Variants in TMEM94 observed in about 807,000 individuals in gnomAD.
TMEM94 encodes the protein transmembrane protein 94, also known as ER Mg2+ ATPase.
In TMEM94, 81 loss-of-function variants were observed where a neutral mutation model predicts 158.6. The observed-to-expected ratio is 0.51, with a 90% CI of 0.43 to 0.61. The LOEUF (loss-of-function observed/expected upper bound fraction) is 0.61, where lower values mean the gene tolerates loss of function less well. TMEM94 is among the 20% of genes least tolerant of loss of function. TMEM94 has a pLI of 0.00. For missense variants in TMEM94, 1,435 were observed against 1,762.0 expected (o/e 0.81, Z 3.32); for synonymous variants, 751 against 730.7 (o/e 1.03, Z -0.45).
At chr17:75,467,523 T>G (rs1443271821) in intron 1 of TMEM94, among the ~76,000 whole-genome samples, 1 of 135,840 alleles carries the variant, frequency 7.4e-6, no homozygotes, top group Non-Finnish European at 1.6e-5. Context: ...TCTTTTTCTT[T>G]TTTTTTTTTT....
chr17:75,475,796 C>G (rs756913460), intron 2 of TMEM94, among the ~76,000 whole-genome samples: 1 of 152,162 alleles, frequency 6.6e-6, no homozygotes, highest in Non-Finnish European at 1.5e-5. Context: ...GCTGCTGGCC[C>G]GGCTCTTCCC....
chr17:75,463,079 T>C (rs11658203), intron 1 of TMEM94, among the ~76,000 whole-genome samples: 13,096 of 14,256 alleles, frequency 0.92, 6,104 homozygotes, highest in Middle Eastern at 0.95. Context: ...TATATATATA[T>C]ACACACACAC....
At chr17:75,476,955 G>A (rs2050725045) in intron 2 of TMEM94, among the ~76,000 whole-genome samples, 1 of 152,206 alleles carries the variant, frequency 6.6e-6, no homozygotes, top group African/African-American at 2.4e-5. Flanking sequence ...CCAGCCAGGT[G>A]CCCGAGTCAC....
Position 75,467,520 on chromosome 17 carries a change from CTTTTTTT to C in TMEM94, c.-106-4263_-106-4257del, listed in dbSNP as rs947595391. Among the ~76,000 whole-genome samples, 25 of 99,134 alleles carry C rather than the reference CTTTTTTT, an allele frequency of 2.5e-4. No homozygotes were observed. In the South Asian group the frequency reaches 3.1e-3, roughly 12 times the overall value. 65.0% of individuals were successfully genotyped at this position (99,134 alleles called of 152,430 possible). A position where few individuals can be genotyped will look rare whatever the true frequency, so the allele number is the denominator to read the frequency against. On this transcript the variant is annotated intron_variant, in intron 1 of 31. Coordinates refer to ENST00000314256, the MANE Select transcript of TMEM94 (RefSeq NM_014738.6). ...ATCATTATGCCATCCATTTCTTTTTCTTTTTTTTTTTTTTTTTTTTTTTGAGACGGAG... is the reference window on the plus strand; with the variant it reads ...ATCATTATGCCATCCATTTCTTTTTCTTTTTTTTTTTTTTTTGAGACGGAG...
chr17:75,500,420 G>A lies in TMEM94; in HGVS notation c.*1086G>A, dbSNP rs1909774579. Reference sequence around the variant, plus strand: ...CCCCTCCCCCATTGTGTCCTCTCAGGCAGTTGATAGAATAAATTCCATTTA... The same window carrying A: ...CCCCTCCCCCATTGTGTCCTCTCAGACAGTTGATAGAATAAATTCCATTTA... On this transcript the variant is annotated 3_prime_UTR_variant, in exon 32 of 32. Coordinates refer to ENST00000314256, the MANE Select transcript of TMEM94 (RefSeq NM_014738.6). The A allele has an allele frequency of 6.5e-6, 1 of 152,700 alleles. No homozygotes were observed. The highest frequency in any genetic ancestry group is 1.5e-5 in the Non-Finnish European group (1 of 68,406). The allele number at this position is 152,700 out of a possible 1,614,324, so 9.5% of individuals were successfully genotyped here.
At chr17:75,473,700 G>A (rs2050575156) in intron 2 of TMEM94, among the ~76,000 whole-genome samples, 1 of 152,166 alleles carries the variant, frequency 6.6e-6, no homozygotes, top group African/African-American at 2.4e-5. Flanking sequence ...GACCTGGAAA[G>A]CATCGTCAGT....
chr17:75,464,774 T>G (rs1288903175), intron 1 of TMEM94, among the ~76,000 whole-genome samples: 4 of 151,558 alleles, frequency 2.6e-5, no homozygotes, highest in African/African-American at 9.7e-5. Context: ...GATGGCATGA[T>G]CTCAGCTCAC....
At position 75,495,521 on chromosome 17, in the gene TMEM94, G is replaced by T. The variant is rs371189039; in HGVS notation, c.2845-23G>T. On this transcript the variant is annotated intron_variant, in intron 21 of 31. Transcript: ENST00000314256. This position sits in a 1 kb window ranked among gnomAD's most constrained non-coding sequence, Gnocchi z 5.6. ...GGATGCTGATCCCCATCCCGAAGCCGCTGGCATCTCTGCTTTCTCCAGGCC... is the reference window on the plus strand; with the variant it reads ...GGATGCTGATCCCCATCCCGAAGCCTCTGGCATCTCTGCTTTCTCCAGGCC... The T allele has an allele frequency of 1.2e-6, 2 of 1,611,426 alleles. No homozygotes were observed. The highest frequency in any genetic ancestry group is 1.7e-6 in the Non-Finnish European group (2 of 1,178,406).
intron 1 of TMEM94, among the ~76,000 whole-genome samples, chr17:75,464,629 T>G (rs999620430): frequency 6.5e-5 from 5 of 76,364 alleles, no homozygotes; most frequent in African/African-American, 1.7e-4. Context: ...CTTTCCTTCC[T>G]TCCTTCCTTC....
chr17:75,466,723 C>G (rs1490987580), intron 1 of TMEM94, among the ~76,000 whole-genome samples: 1 of 151,762 alleles, frequency 6.6e-6, no homozygotes, highest in Non-Finnish European at 1.5e-5. Flanking sequence ...GAGGCTGAGG[C>G]AGGAGAATCA....
In TMEM94 at chr17:75,489,164, T is replaced by G; in HGVS notation, c.765-102T>G. On this transcript the variant is annotated intron_variant, in intron 7 of 31. Transcript: ENST00000314256. The surrounding 1 kb of genome is among the most constrained non-coding windows in gnomAD (Gnocchi z 5.0). Reference sequence around the variant, plus strand: ...GAGCGTGGAACTGCAGGACTCACGGTGCTTGAAGAAGCGGTATCTGGCAGA... The same window carrying G: ...GAGCGTGGAACTGCAGGACTCACGGGGCTTGAAGAAGCGGTATCTGGCAGA... 8.7e-7 allele frequency: 1 copy of G among 1,153,078 alleles called. No homozygotes were observed. The highest frequency in any genetic ancestry group is 1.9e-5 in the Admixed American group (1 of 51,936). The allele number at this position is 1,153,078 out of a possible 1,614,324, so 71.4% of individuals were successfully genotyped here.
chr17:75,466,582 G>A (rs771387717), intron 1 of TMEM94, among the ~76,000 whole-genome samples: 26 of 152,096 alleles, frequency 1.7e-4, no homozygotes, highest in Non-Finnish European at 1.6e-4. Context: ...TTGGGAGGCC[G>A]AGGCAGGTGG....
Position 75,496,350 on chromosome 17 carries a change from G to T in TMEM94, c.3122G>T (p.Ser1041Ile). Residue 1041 changes from serine to isoleucine, a missense_variant, in exon 24 of 32, where the codon AGC becomes ATC. Transcript: ENST00000314256. ...ACCTTTGGCTACGCCACCAGCATCAGCATGGCCCAGGCCTCGGATGGCCTT... is the reference window on the plus strand; with the variant it reads ...ACCTTTGGCTACGCCACCAGCATCATCATGGCCCAGGCCTCGGATGGCCTT... ...WETFGYATSI[S>I]MAQASDGLSP... The T allele has an allele frequency of 1.9e-6, 3 of 1,614,154 alleles. No homozygotes were observed. Among genetic ancestry groups the T allele is most frequent in the Non-Finnish European group, 1.7e-6 (2 of 1,180,044 alleles).
rs779829401 is a variant in TMEM94 at position 75,493,495 on chromosome 17, A to G, written c.2091A>G (p.Thr697=). 1.9e-6 allele frequency: 3 copies of G among 1,613,946 alleles called. No individual in the cohort carries two copies. The South Asian group carries it at 3.3e-5, about 18-fold the overall frequency. Residue 697 remains threonine (T), a synonymous_variant, in exon 17 of 32, where the codon ACA becomes ACG. Transcript: ENST00000314256. ...SLFIKDTTTS[T]EQMLSHGTAD... ...GGTTTGAACTCTCTCCCCCAGGCAC[A>G]GAGCAGATGCTGTCCCATGGCACCG...
At position 75,488,898 on chromosome 17, in the gene TMEM94, T is replaced by A; in HGVS notation, c.752T>A (p.Ile251Asn). ...TTCCGTGTCCTTGAGACCCCTGTGA[T>A]TGACAACATCAGGTAGGGGTGCTGC... ...RLFRVLETPV[I>N]DNIRWCLDMA... Residue 251 changes from isoleucine to asparagine, a missense_variant, in exon 7 of 32, where the codon ATT becomes AAT. Ile to Asn is a moderately radical substitution (Grantham distance 149). Around this residue, in one of 3 missense-constraint regions of TMEM94, gnomAD observed 1,051 missense variants for 1,254.4 expected, o/e 0.84. Coordinates refer to ENST00000314256, the MANE Select transcript of TMEM94 (RefSeq NM_014738.6). 1 of 1,593,120 alleles carries A rather than the reference T, an allele frequency of 6.3e-7. No homozygotes were observed. The highest frequency in any genetic ancestry group is 1.1e-5 in the South Asian group (1 of 88,388).
At chr17:75,482,568 GTATA>G (rs1383451047) in intron 2 of TMEM94, among the ~76,000 whole-genome samples, 2 of 134,146 alleles carry the variant, frequency 1.5e-5, no homozygotes, top group Non-Finnish European at 3.2e-5. Context: ...ATGTATGTAT[GTATA>G]ACCTGGAATT....
At position 75,488,248 on chromosome 17, in the gene TMEM94, G is replaced by C. The variant is rs1292245537; in HGVS notation, c.612+114G>C. ...TTCCCGGCCAGCTTACTGGCTTTTT[G>C]GCAGAGGCTCTGGAACATCTTCCTC... On this transcript the variant is annotated intron_variant, in intron 6 of 31. Coordinates refer to ENST00000314256, the MANE Select transcript of TMEM94 (RefSeq NM_014738.6). 6.2e-6 allele frequency: 6 copies of C among 968,716 alleles called. No homozygotes were observed. In the East Asian group the frequency reaches 1.5e-4, roughly 24 times the overall value. The allele number at this position is 968,716 out of a possible 1,614,324, so 60.0% of individuals were successfully genotyped here.
intron 2 of TMEM94, among the ~76,000 whole-genome samples, chr17:75,472,791 C>T (rs1171826465): frequency 6.6e-6 from 1 of 152,218 alleles, no homozygotes; most frequent in Non-Finnish European, 1.5e-5. Flanking sequence ...AGCCTTCCTG[C>T]TTTGACTTTA....
chr17:75,493,416 G>T, intron 16 of TMEM94, 75 bp from the exon 17 acceptor site: 1 of 1,434,470 alleles, frequency 7.0e-7, no homozygotes, highest in South Asian at 1.2e-5. Context: ...TTCTCCAGGA[G>T]GACAGTGCGT....
Sources: allele counts gnomAD v4.1 joint callset (sites outside exome capture counted in the v4.1 genomes callset), GRCh38; gene constraint gnomAD v4.1.1; regional missense constraint gnomAD v4.1.1; non-coding constraint Gnocchi (gnomAD v3.1); transcripts MANE v1.5; gene names NCBI Gene and HGNC (gene_info 2026-07-23, HGNC 2026-07-21).